PDZD2: variants seen among roughly 807,000 people sequenced by gnomAD.
PDZD2 encodes PDZ domain containing 2, also known as PDZ domain-containing protein 2.
Under a neutral mutation model 220.7 loss-of-function variants are expected in PDZD2, and 90 were observed. That is an observed-to-expected ratio of 0.41 (90% CI 0.34 to 0.49). The LOEUF (loss-of-function observed/expected upper bound fraction) is 0.49, where lower values mean the gene tolerates loss of function less well. Ranked by LOEUF, PDZD2 falls within the 20% of genes least tolerant of loss-of-function variation. PDZD2 has a pLI of 0.28. For missense variants in PDZD2, 3,174 were observed against 3,608.5 expected, an observed-to-expected ratio of 0.88 and a Z score of 3.08; for synonymous variants, 1,375 against 1,450.5, an observed-to-expected ratio of 0.95 and a Z score of 1.18.
intron 2 of PDZD2, among the ~76,000 whole-genome samples, chr5:31,966,656 G>T (rs1262349704): frequency 1.3e-5 from 2 of 152,186 alleles, no homozygotes; most frequent in Non-Finnish European, 2.9e-5. Context: ...CTAGGCCAGG[G>T]TTCTGTTGGT....
intron 2 of PDZD2, among the ~76,000 whole-genome samples, chr5:31,891,252 T>C (rs761525285): frequency 6.7e-5 from 10 of 149,026 alleles, no homozygotes; most frequent in South Asian, 4.4e-4. Context: ...TTCTCCTGCC[T>C]CAGCCTCCTG....
At chr5:31,670,901 C>G (rs1746191159) in intron 1 of PDZD2, among the ~76,000 whole-genome samples, 1 of 152,094 alleles carries the variant, frequency 6.6e-6, no homozygotes, top group East Asian at 1.9e-4. Context: ...CGCTAAGAGT[C>G]TATGTGGAAC....
At chr5:31,843,073 G>A (rs1428792635) in intron 2 of PDZD2, among the ~76,000 whole-genome samples, 2 of 151,872 alleles carry the variant, frequency 1.3e-5, no homozygotes, top group African/African-American at 4.8e-5. Flanking sequence ...TAGAAACAGG[G>A]TTTCACCACG....
intron 2 of PDZD2, among the ~76,000 whole-genome samples, chr5:31,897,940 G>A (rs1184428819): frequency 2.6e-5 from 4 of 151,970 alleles, no homozygotes; most frequent in South Asian, 2.1e-4. Flanking sequence ...GGGTTTCACC[G>A]TGTTGGCCAG....
rs56169899 is a variant in PDZD2, at chr5:32,002,894, A to AAC, written c.1254+2630_1254+2631dup. Among the ~76,000 whole-genome samples the AAC allele has an allele frequency of 3.2e-5, 3 of 93,660 alleles. 1 individual carries two copies. The highest frequency in any genetic ancestry group is 4.6e-5 in the African/African-American group (1 of 21,660). 61.4% of individuals were successfully genotyped at this position (93,660 alleles called of 152,430 possible). On this transcript the variant is annotated intron_variant, in intron 5 of 24. Coordinates refer to ENST00000438447, the MANE Select transcript of PDZD2 (RefSeq NM_178140.4). ...ATACCACACACACACCACACACACCAACACACACCCCCACCACACACACAC... is the reference window on the plus strand; with the variant it reads ...ATACCACACACACACCACACACACCAACACACACACCCCCACCACACACACAC...
At chr5:31,782,146 G>T (rs1416205420) in intron 1 of PDZD2, among the ~76,000 whole-genome samples, 2 of 152,162 alleles carry the variant, frequency 1.3e-5, no homozygotes, top group African/African-American at 2.4e-5. Flanking sequence ...AGACATGCAG[G>T]TCACAGACTC....
intron 7 of PDZD2, among the ~76,000 whole-genome samples, chr5:32,046,915 C>T (rs1738029567): frequency 6.6e-6 from 1 of 152,026 alleles, no homozygotes; most frequent in Non-Finnish European, 1.5e-5. Flanking sequence ...TGGTGGCGTG[C>T]ACCTGTAATC....
intron 5 of PDZD2, among the ~76,000 whole-genome samples, chr5:32,003,805 G>A (rs751552930): frequency 2.0e-5 from 3 of 152,124 alleles, no homozygotes; most frequent in Non-Finnish European, 4.4e-5. Flanking sequence ...TCTGCGTCCC[G>A]AGTTCAAGCG....
At chr5:31,688,917 C>A (rs1224700811) in intron 1 of PDZD2, among the ~76,000 whole-genome samples, 29 of 152,100 alleles carry the variant, frequency 1.9e-4, no homozygotes, top group Admixed American at 1.9e-3. Flanking sequence ...ATTTCCCAAG[C>A]AGCAGCATCA....
At chr5:31,673,733 G>A (rs1351828492) in intron 1 of PDZD2, among the ~76,000 whole-genome samples, 3 of 152,178 alleles carry the variant, frequency 2.0e-5, no homozygotes. Context: ...CACTCTGGGA[G>A]GCAGAGGCAG....
chr5:31,752,100 G>T, intron 1 of PDZD2, among the ~76,000 whole-genome samples: 1 of 30,878 alleles, frequency 3.2e-5, no homozygotes, highest in Middle Eastern at 0.024. Flanking sequence ...TCTGAGACAA[G>T]GTCTTGCTTT....
intron 2 of PDZD2, among the ~76,000 whole-genome samples, chr5:31,923,079 G>C (rs1050966662): frequency 3.3e-5 from 5 of 150,068 alleles, no homozygotes; most frequent in African/African-American, 1.2e-4. Flanking sequence ...GATCACCTGA[G>C]GTCAGGAGTT....
chr5:31,699,589 G>A (rs62349130), intron 1 of PDZD2, among the ~76,000 whole-genome samples: 40,684 of 151,612 alleles, frequency 0.27, 5,638 homozygotes, highest in South Asian at 0.36. Context: ...TCTCTAACTT[G>A]TTTATTTATT....
At chr5:31,694,402 C>CAAACAAAA (rs143583191) in intron 1 of PDZD2, among the ~76,000 whole-genome samples, 20,633 of 151,448 alleles carry the variant, frequency 0.14, 1,523 homozygotes, top group East Asian at 0.24. Context: ...AAAAAACAAA[C>CAAACAAAA]AAAAAAACAA....
intron 2 of PDZD2, among the ~76,000 whole-genome samples, chr5:31,826,295 G>A (rs986977478): frequency 1.3e-5 from 2 of 152,240 alleles, no homozygotes; most frequent in African/African-American, 4.8e-5. Flanking sequence ...GGGGAGGGTA[G>A]GAGTGAGGCT....
At chr5:31,856,922 A>G (rs1758500184) in intron 2 of PDZD2, among the ~76,000 whole-genome samples, 1 of 150,274 alleles carries the variant, frequency 6.7e-6, no homozygotes, top group Admixed American at 6.6e-5. Context: ...ATATATATAT[A>G]TATATATATA....
intron 2 of PDZD2, among the ~76,000 whole-genome samples, chr5:31,884,592 GT>G (rs112100637): frequency 4.0e-5 from 6 of 150,760 alleles, no homozygotes; most frequent in Non-Finnish European, 7.4e-5. Flanking sequence ...ATTGTATTGT[GT>G]TTTTTTTTGT....
intron 20 of PDZD2, 106 bp downstream of exon 20, chr5:32,091,281 T>A: frequency 2.2e-4 from 61 of 271,380 alleles, no homozygotes; most frequent in Non-Finnish European, 2.8e-4. Flanking sequence ...CCCACTTACT[T>A]TTTTTTTTTT....
intron 14 of PDZD2, among the ~76,000 whole-genome samples, chr5:32,063,783 G>T (rs928391911): frequency 6.6e-6 from 1 of 152,222 alleles, no homozygotes; most frequent in Non-Finnish European, 1.5e-5. Context: ...CTACACAAAT[G>T]TGGGAATAGA....
Sources: gnomAD v4.1 joint callset for allele counts (sites outside exome capture counted in the v4.1 genomes callset) on GRCh38, gnomAD v4.1.1 for gene constraint, MANE v1.5 for transcripts, NCBI Gene and HGNC (gene_info 2026-07-23, HGNC 2026-07-21) for gene names.